The following LDLRAD4 variants were observed in gnomAD, a reference collection of about 807,000 sequenced individuals.
The protein encoded by LDLRAD4 is low density lipoprotein receptor class A domain containing 4, also known as low-density lipoprotein receptor class A domain-containing protein 4.
LDLRAD4 carries 5 observed loss-of-function variants against 17.0 expected under a neutral mutation model. The observed-to-expected ratio is 0.29, with a 90% CI of 0.15 to 0.62. The LOEUF is 0.62. LDLRAD4 is among the 20% of genes least tolerant of loss of function. LDLRAD4 has a pLI of 0.84. For missense variants in LDLRAD4, 340 were observed against 424.7 expected (o/e 0.80, Z 1.75); for synonymous variants, 168 against 171.8 (o/e 0.98, Z 0.17).
intron 1 of LDLRAD4, among the ~76,000 whole-genome samples, chr18:13,377,898 G>T (rs2085044798): frequency 6.6e-6 from 1 of 152,182 alleles, no homozygotes; most frequent in African/African-American, 2.4e-5. Context: ...CACTCACCTT[G>T]AATTGGATAC....
chr18:13,506,401 CCGTTTACGGTAGG>C (rs1158703897), intron 3 of LDLRAD4, among the ~76,000 whole-genome samples: 39 of 131,524 alleles, frequency 3.0e-4, no homozygotes, highest in Admixed American at 6.3e-4. Context: ...TTTTATAACT[CCGTTTACGGTAGG>C]CTTGAATTTC....
chr18:13,543,083 T>TGTCC, intron 3 of LDLRAD4: 1 of 152,294 alleles, frequency 6.6e-6, no homozygotes, highest in African/African-American at 2.4e-5. Context: ...AATTTAGGGA[T>TGTCC]CACCCATGTA....
At chr18:13,227,018 C>T (rs1335385209) in intron 1 of LDLRAD4, among the ~76,000 whole-genome samples, 1 of 152,140 alleles carries the variant, frequency 6.6e-6, no homozygotes, top group Non-Finnish European at 1.5e-5. Context: ...CCTATTGGAC[C>T]TCACACTCTT....
At chr18:13,594,665 CAAAAAAAAAAAAA>C (rs56035558) in intron 3 of LDLRAD4, among the ~76,000 whole-genome samples, 3 of 29,606 alleles carry the variant, frequency 1.0e-4, no homozygotes, top group Admixed American at 5.0e-4. Flanking sequence ...GATTCCATCT[CAAAAAAAAAAAAA>C]AAAAAAAAAA....
intron 1 of LDLRAD4, among the ~76,000 whole-genome samples, chr18:13,351,839 A>G (rs1029134538): frequency 3.3e-5 from 5 of 152,228 alleles, no homozygotes; most frequent in Non-Finnish European, 5.9e-5. Flanking sequence ...AATATCCCTG[A>G]TGAACATCAA....
intron 3 of LDLRAD4, among the ~76,000 whole-genome samples, chr18:13,496,017 A>G (rs576137522): frequency 6.6e-6 from 1 of 152,102 alleles, no homozygotes; most frequent in East Asian, 1.9e-4. Context: ...TGGCGCTCCC[A>G]CCACCCGCCT....
chr18:13,645,628 A>G lies in LDLRAD4; in HGVS notation c.892A>G (p.Lys298Glu). The change falls in exon 6 of 6, where the codon AAA (lysine) becomes GAA (glutamate). Residue 298 changes from lysine to glutamate, a missense_variant. Lys to Glu is a moderately conservative substitution (Grantham distance 56). Coordinates refer to ENST00000359446, the Ensembl canonical transcript of LDLRAD4. The surrounding 1 kb of genome is among the most constrained non-coding windows in gnomAD (Gnocchi z 5.7). ...GAGCACAATAGTACCCATCAAAGGCAAAGATAGGAAGCCTGGGAACCTGGT... is the reference window on the plus strand; with the variant it reads ...GAGCACAATAGTACCCATCAAAGGCGAAGATAGGAAGCCTGGGAACCTGGT... The G allele has an allele frequency of 6.6e-7, 1 of 1,517,376 alleles. No homozygotes were observed. The highest frequency in any genetic ancestry group is 8.8e-7 in the Non-Finnish European group (1 of 1,132,908). 94.0% of individuals were successfully genotyped at this position (1,517,376 alleles called of 1,614,324 possible). A position where few individuals can be genotyped will look rare whatever the true frequency, so the allele number is the denominator to read the frequency against.
At chr18:13,531,826 G>T (rs2094132608) in intron 3 of LDLRAD4, among the ~76,000 whole-genome samples, 1 of 152,116 alleles carries the variant, frequency 6.6e-6, no homozygotes, top group Non-Finnish European at 1.5e-5. Flanking sequence ...CAGTGGAGGG[G>T]GTGAGGGTCC....
At chr18:13,642,970 C>G (rs184509293) in intron 4 of LDLRAD4, among the ~76,000 whole-genome samples, 1 of 148,832 alleles carries the variant, frequency 6.7e-6, no homozygotes, top group African/African-American at 2.5e-5. Context: ...GAGTCTCACT[C>G]TGTCGCCCAG....
chr18:13,256,005 G>C (rs1567938610), intron 1 of LDLRAD4, among the ~76,000 whole-genome samples: 1 of 152,156 alleles, frequency 6.6e-6, no homozygotes. Flanking sequence ...TTTCGTGCTT[G>C]CTACCCTCTT....
intron 3 of LDLRAD4, among the ~76,000 whole-genome samples, chr18:13,462,743 G>A (rs906270897): frequency 2.6e-4 from 39 of 152,298 alleles, no homozygotes; most frequent in African/African-American, 9.4e-4. Context: ...GCTGTCACGG[G>A]CGGAGCAGGG....
intron 3 of LDLRAD4, among the ~76,000 whole-genome samples, chr18:13,505,885 G>C (rs1481122321): frequency 1.3e-5 from 2 of 152,110 alleles, no homozygotes; most frequent in African/African-American, 4.8e-5. Context: ...GCTGTTTCTT[G>C]GTGAGACTGA....
intron 3 of LDLRAD4, among the ~76,000 whole-genome samples, chr18:13,574,685 C>T (rs1047182558): frequency 4.6e-5 from 7 of 152,172 alleles, no homozygotes; most frequent in East Asian, 3.8e-4. Context: ...GTTGGCCCTC[C>T]GAAATGCCTC....
chr18:13,312,839 C>A (rs1209158265), intron 1 of LDLRAD4, among the ~76,000 whole-genome samples: 1 of 152,152 alleles, frequency 6.6e-6, no homozygotes, highest in Non-Finnish European at 1.5e-5. Flanking sequence ...GAATGAGATA[C>A]CTTAAATAAT....
chr18:13,345,509 T>C (rs970969212), intron 1 of LDLRAD4, among the ~76,000 whole-genome samples: 1 of 152,250 alleles, frequency 6.6e-6, no homozygotes, highest in Non-Finnish European at 1.5e-5. Flanking sequence ...GATTTTTGCA[T>C]TGATGTTCAT....
At chr18:13,494,221 G>A (rs879570843) in intron 3 of LDLRAD4, among the ~76,000 whole-genome samples, 5 of 152,100 alleles carry the variant, frequency 3.3e-5, no homozygotes, top group African/African-American at 7.2e-5. Flanking sequence ...TGTCTAGCTT[G>A]TCTGACACAA....
intron 1 of LDLRAD4, among the ~76,000 whole-genome samples, chr18:13,324,513 G>A (rs781558239): frequency 6.6e-5 from 10 of 152,126 alleles, no homozygotes; most frequent in Admixed American, 2.6e-4. Context: ...CCTTCTATGC[G>A]CAGAGAACAG....
chr18:13,407,391 A>G (rs1313994368), intron 2 of LDLRAD4, among the ~76,000 whole-genome samples: 1 of 152,250 alleles, frequency 6.6e-6, no homozygotes, highest in Non-Finnish European at 1.5e-5. Context: ...AGTGTTATAG[A>G]ATGCCCACAG....
intron 3 of LDLRAD4, among the ~76,000 whole-genome samples, chr18:13,555,886 T>TTGTG (rs10658087): frequency 0.43 from 65,135 of 152,126 alleles, 14,234 homozygotes; most frequent in East Asian, 0.64. Context: ...GGAAAGCAGT[T>TTGTG]TGTGTGAATT....
Sources: gnomAD v4.1 joint callset for allele counts (sites outside exome capture counted in the v4.1 genomes callset) on GRCh38, gnomAD v4.1.1 for gene constraint, Gnocchi (gnomAD v3.1) non-coding constraint, MANE v1.5 for transcripts, NCBI Gene and HGNC (gene_info 2026-07-23, HGNC 2026-07-21) for gene names.